PHF8: variants seen among roughly 807,000 people sequenced by gnomAD.
PHF8 encodes histone lysine demethylase PHF8.
A neutral mutation model predicts 74.4 loss-of-function variants in PHF8; 9 were observed. That is an observed-to-expected ratio of 0.12 (90% CI 0.07 to 0.21). The LOEUF (loss-of-function observed/expected upper bound fraction) is 0.21. Among genes scored for constraint, PHF8 ranks in the 10% least tolerant of loss-of-function variants. PHF8 has a pLI of 1.00. For missense variants in PHF8, 478 were observed against 816.6 expected, an observed-to-expected ratio of 0.59 and a Z score of 5.05; for synonymous variants, 311 against 316.6, an observed-to-expected ratio of 0.98 and a Z score of 0.19.
At position 54,034,419 on chromosome X, in the gene PHF8, G is replaced by C. The variant is rs149008961; in HGVS notation, c.98+8212C>G. On this transcript the variant is annotated intron_variant, in intron 2 of 21. Coordinates refer to ENST00000338154, the MANE Select transcript of PHF8 (RefSeq NM_015107.3). Reference sequence around the variant, plus strand: ...TTCAAGCGCTGAGATAAAAGAACTAGAAACCCAGAGTTCGATATGAAGTGA... The same window carrying C: ...TTCAAGCGCTGAGATAAAAGAACTACAAACCCAGAGTTCGATATGAAGTGA... Among the ~76,000 whole-genome samples, 1,033 of 111,733 alleles carry C rather than the reference G, an allele frequency of 9.2e-3. 13 individuals carry two copies. Among genetic ancestry groups the C allele is most frequent in the South Asian group, 0.033 (88 of 2,655 alleles).
intron 19 of PHF8, among the ~76,000 whole-genome samples, chrX:53,948,430 G>A (rs1346793461): frequency 9.1e-5 from 10 of 110,222 alleles, no homozygotes; most frequent in Admixed American, 6.7e-4. Flanking sequence ...CCACCACCCC[G>A]CCCGGCTAAT....
At chrX:54,001,361 T>C (rs782785236) in intron 10 of PHF8, among the ~76,000 whole-genome samples, 130 of 105,954 alleles carry the variant, frequency 1.2e-3, no homozygotes, top group Middle Eastern at 0.01. Flanking sequence ...GTATAAAAAC[T>C]AGCCGAGTGT....
In PHF8 at chrX:54,031,721, C is replaced by A. The variant is rs151147518; in HGVS notation, c.99-8878G>T. Among the ~76,000 whole-genome samples the A allele has an allele frequency of 7.6e-3, 840 of 111,250 alleles. 5 individuals carry two copies. The highest frequency in any genetic ancestry group is 0.014 in the Middle Eastern group (3 of 217). Reference sequence around the variant, plus strand: ...CCTTCTTCCACAACCCCAATCCAATCTATTAACAAATCCTGTATCAATATA... The same window carrying A: ...CCTTCTTCCACAACCCCAATCCAATATATTAACAAATCCTGTATCAATATA... On this transcript the variant is annotated intron_variant, in intron 2 of 21. Coordinates refer to ENST00000338154, the MANE Select transcript of PHF8 (RefSeq NM_015107.3).
intron 18 of PHF8, among the ~76,000 whole-genome samples, chrX:53,984,408 A>C (rs1227877856): frequency 8.9e-6 from 1 of 111,982 alleles, no homozygotes; most frequent in Non-Finnish European, 1.9e-5. Flanking sequence ...CTTACATTAT[A>C]CAGTCACCTG....
At chrX:53,959,315 C>T (rs1225765174) in intron 19 of PHF8, among the ~76,000 whole-genome samples, 2 of 111,478 alleles carry the variant, frequency 1.8e-5, no homozygotes, top group Non-Finnish European at 3.8e-5. Context: ...TACTCAACTC[C>T]AAGAGTCTCT....
At chrX:54,027,900 G>A (rs2066292593) in intron 2 of PHF8, among the ~76,000 whole-genome samples, 1 of 109,726 alleles carries the variant, frequency 9.1e-6, no homozygotes, top group African/African-American at 3.3e-5. Context: ...ATTGTATGCT[G>A]GATAGTGAGA....
chrX:54,039,919 A>G (rs1434289172), intron 2 of PHF8: 1 of 112,363 alleles, frequency 8.9e-6, no homozygotes, highest in Non-Finnish European at 1.9e-5. Flanking sequence ...ACGCAATCCC[A>G]TCTTGTAAAA....
intron 4 of PHF8, among the ~76,000 whole-genome samples, chrX:54,020,884 G>A (rs1009528688): frequency 2.7e-5 from 3 of 112,107 alleles, no homozygotes; most frequent in Admixed American, 1.9e-4. Flanking sequence ...GCAGTTTGGA[G>A]ATTTCTCAAA....
intron 19 of PHF8, among the ~76,000 whole-genome samples, chrX:53,944,879 C>T (rs997652419): frequency 9.0e-6 from 1 of 111,067 alleles, no homozygotes; most frequent in Non-Finnish European, 1.9e-5. Context: ...AAAATTATCC[C>T]GGCATGGTGG....
intron 20 of PHF8, 133 bp from the exon 21 acceptor site, chrX:53,940,649 C>T (rs887571232): frequency 3.8e-5 from 19 of 504,363 alleles, no homozygotes; most frequent in Non-Finnish European, 6.3e-5. Context: ...CCAAGTCTAG[C>T]CTGGATGTAC....
chrX:54,002,806 C>T, intron 8 of PHF8, 124 bp from the exon 9 acceptor site: 1 of 524,630 alleles, frequency 1.9e-6, no homozygotes, highest in South Asian at 2.5e-5. Context: ...GGCTTCCCAA[C>T]ACCAGATGTT....
intron 1 of PHF8, chrX:54,043,325 T>C: frequency 8.0e-6 from 1 of 125,437 alleles, no homozygotes; most frequent in Non-Finnish European, 1.6e-5. Context: ...ACTCAAAGCC[T>C]TCACGAACAA....
intron 20 of PHF8, chrX:53,943,496 T>C: frequency 1.2e-6 from 1 of 867,684 alleles, no homozygotes; most frequent in East Asian, 3.7e-5. Context: ...ACAAAGCAGA[T>C]GCTTAACAGT....
At chrX:53,954,948 T>C (rs1324020661) in intron 19 of PHF8, among the ~76,000 whole-genome samples, 1 of 111,581 alleles carries the variant, frequency 9.0e-6, no homozygotes, top group African/African-American at 3.2e-5. Flanking sequence ...AATGACTCTT[T>C]ACAACACTCA....
chrX:54,018,453 CTTT>C (rs781948184), intron 4 of PHF8, among the ~76,000 whole-genome samples: 5 of 76,686 alleles, frequency 6.5e-5, no homozygotes, highest in Admixed American at 1.5e-4. Context: ...GAGTCCCTGT[CTTT>C]TTTTTTTTTT....
intron 17 of PHF8, among the ~76,000 whole-genome samples, chrX:53,985,581 T>C (rs1163654938): frequency 1.8e-5 from 2 of 111,696 alleles, no homozygotes; most frequent in Non-Finnish European, 3.8e-5. Context: ...CCCAACTTCC[T>C]AAGTGCCCAA....
intron 8 of PHF8, 41 bp from the exon 9 acceptor site, chrX:54,002,723 T>G: frequency 2.3e-6 from 2 of 887,755 alleles, no homozygotes; most frequent in Non-Finnish European, 3.3e-6. Context: ...GAAGAGGGCC[T>G]TTCTTCCTCT....
At chrX:53,992,335 C>T (rs151286515) in intron 14 of PHF8, among the ~76,000 whole-genome samples, 5 of 112,172 alleles carry the variant, frequency 4.5e-5, no homozygotes, top group African/African-American at 1.6e-4. Flanking sequence ...GAACACTGAA[C>T]ATTTATCGTT....
intron 18 of PHF8, among the ~76,000 whole-genome samples, chrX:53,980,477 T>G (rs782627660): frequency 1.8e-5 from 2 of 111,070 alleles, no homozygotes; most frequent in African/African-American, 6.5e-5. Context: ...AAACCAACTC[T>G]GCCAGCACCT....
Sources: gnomAD v4.1 joint callset for allele counts (sites outside exome capture counted in the v4.1 genomes callset) on GRCh38, gnomAD v4.1.1 for gene constraint, MANE v1.5 for transcripts, NCBI Gene and HGNC (gene_info 2026-07-23, HGNC 2026-07-21) for gene names.